Variants in CADPS2 observed in about 807,000 individuals in gnomAD.
The protein encoded by CADPS2 is calcium-dependent secretion activator 2.
A neutral mutation model predicts 172.5 loss-of-function variants in CADPS2; 93 were observed. The ratio of observed to expected loss-of-function variants is 0.54; its 90% CI spans 0.46 to 0.64. The LOEUF (loss-of-function observed/expected upper bound fraction) is 0.64. CADPS2 is among the 30% of genes least tolerant of loss of function. The probability of loss-of-function intolerance (pLI) is 0.00; values close to 1 mark genes in which losing one functional copy is unlikely to be tolerated. For missense variants in CADPS2, 1,420 were observed against 1,565.9 expected (o/e 0.91, Z 1.57); for synonymous variants, 546 against 555.2 (o/e 0.98, Z 0.23).
intron 1 of CADPS2, among the ~76,000 whole-genome samples, chr7:122,741,561 T>A (rs1352300781): frequency 6.6e-6 from 1 of 152,164 alleles, no homozygotes; most frequent in Non-Finnish European, 1.5e-5. Context: ...AAAACTTACC[T>A]TGACTCTGTG....
At chr7:122,880,285 T>C (rs961144384) in intron 1 of CADPS2, among the ~76,000 whole-genome samples, 7 of 152,198 alleles carry the variant, frequency 4.6e-5, no homozygotes, top group Admixed American at 1.3e-4. Flanking sequence ...TGGTGATTTA[T>C]CTACAGTTGT....
intron 2 of CADPS2, among the ~76,000 whole-genome samples, chr7:122,726,897 A>G (rs1010573227): frequency 6.6e-6 from 1 of 152,004 alleles, no homozygotes; most frequent in Non-Finnish European, 1.5e-5. Context: ...TAAAATGAAT[A>G]AAACTAAATA....
chr7:122,865,461 T>C (rs1216042156), intron 1 of CADPS2, among the ~76,000 whole-genome samples: 1 of 152,178 alleles, frequency 6.6e-6, no homozygotes. Context: ...TACTGACAGA[T>C]TTTTGAGGCA....
At chr7:122,373,328 T>C (rs2041987025) in intron 25 of CADPS2, among the ~76,000 whole-genome samples, 1 of 152,136 alleles carries the variant, frequency 6.6e-6, no homozygotes, top group Non-Finnish European at 1.5e-5. Flanking sequence ...CTTCCCCTCT[T>C]CCCAAACTTA....
chr7:122,623,682 G>A (rs1001295159), intron 4 of CADPS2, among the ~76,000 whole-genome samples: 4 of 152,064 alleles, frequency 2.6e-5, no homozygotes, highest in Non-Finnish European at 5.9e-5. Flanking sequence ...TTTCTCATAT[G>A]CTCTTTGGTC....
chr7:122,598,539 G>A (rs1252442512), intron 6 of CADPS2, among the ~76,000 whole-genome samples: 1 of 152,048 alleles, frequency 6.6e-6, no homozygotes, highest in African/African-American at 2.4e-5. Flanking sequence ...TTAGCAGATT[G>A]TATTTAATTA....
chr7:122,715,723 C>G (rs1398597862), intron 2 of CADPS2, among the ~76,000 whole-genome samples: 2 of 151,448 alleles, frequency 1.3e-5, no homozygotes, highest in South Asian at 2.1e-4. Flanking sequence ...AAAAAAAAAG[C>G]CAATTGTACA....
chr7:122,732,618 C>G (rs1238184864), intron 2 of CADPS2, among the ~76,000 whole-genome samples: 2 of 144,792 alleles, frequency 1.4e-5, no homozygotes, highest in Non-Finnish European at 3.0e-5. Flanking sequence ...TTTCTATGTG[C>G]TATTTTCTTG....
chr7:122,644,466 C>T (rs762321087), intron 3 of CADPS2, among the ~76,000 whole-genome samples: 1 of 152,128 alleles, frequency 6.6e-6, no homozygotes, highest in African/African-American at 2.4e-5. Flanking sequence ...TACTGTGCAA[C>T]TTTTCAGGTA....
At chr7:122,617,081 T>C (rs910894553) in intron 5 of CADPS2, among the ~76,000 whole-genome samples, 1 of 152,174 alleles carries the variant, frequency 6.6e-6, no homozygotes, top group East Asian at 1.9e-4. Context: ...TGTGTTTAAA[T>C]AACCCAAATG....
intron 1 of CADPS2, among the ~76,000 whole-genome samples, chr7:122,777,609 T>A (rs923380999): frequency 1.3e-5 from 2 of 152,110 alleles, no homozygotes; most frequent in Admixed American, 1.3e-4. Context: ...GGTAAGTGAA[T>A]CATGGAGGTG....
intron 22 of CADPS2, among the ~76,000 whole-genome samples, chr7:122,391,924 G>A (rs1372841045): frequency 6.6e-6 from 1 of 152,094 alleles, no homozygotes; most frequent in African/African-American, 2.4e-5. Context: ...TTTTGCCTCT[G>A]TCACTTATTT....
At chr7:122,675,610 C>T (rs1357067572) in intron 2 of CADPS2, among the ~76,000 whole-genome samples, 1 of 152,100 alleles carries the variant, frequency 6.6e-6, no homozygotes, top group Non-Finnish European at 1.5e-5. Flanking sequence ...AAATGTGGCA[C>T]ATATACACCA....
intron 6 of CADPS2, among the ~76,000 whole-genome samples, chr7:122,614,579 A>G (rs1414492525): frequency 2.6e-5 from 4 of 152,216 alleles, no homozygotes; most frequent in South Asian, 4.1e-4. Flanking sequence ...TGTTTCTACT[A>G]GAGACCATGA....
intron 3 of CADPS2, among the ~76,000 whole-genome samples, chr7:122,654,107 C>T (rs1166399314): frequency 6.6e-6 from 1 of 152,086 alleles, no homozygotes. Context: ...AAATTGAAGG[C>T]TATGAGAAAG....
At chr7:122,413,495 C>G (rs545473007) in intron 19 of CADPS2, among the ~76,000 whole-genome samples, 4 of 152,186 alleles carry the variant, frequency 2.6e-5, no homozygotes, top group South Asian at 2.1e-4. Context: ...ACCTCTTAGC[C>G]CTGTAAAGTA....
At chr7:122,357,132 A>G (rs117710969) in intron 27 of CADPS2, among the ~76,000 whole-genome samples, 10 of 152,150 alleles carry the variant, frequency 6.6e-5, no homozygotes, top group Non-Finnish European at 1.3e-4. Context: ...GATATTTCCA[A>G]CTCTAATCCA....
At chr7:122,878,147 C>A (rs1821743937) in intron 1 of CADPS2, among the ~76,000 whole-genome samples, 1 of 150,956 alleles carries the variant, frequency 6.6e-6, no homozygotes, top group South Asian at 2.1e-4. Context: ...TCCCAGCTAG[C>A]TACTCGGGGG....
At chr7:122,759,984 T>TTA (rs374466187) in intron 1 of CADPS2, among the ~76,000 whole-genome samples, 18,153 of 148,324 alleles carry the variant, frequency 0.12, 1,119 homozygotes, top group African/African-American at 0.14. Flanking sequence ...TAGGTGTATT[T>TTA]TATATATATA....
Sources: gnomAD v4.1 joint callset for allele counts (sites outside exome capture counted in the v4.1 genomes callset) on GRCh38, gnomAD v4.1.1 for gene constraint, MANE v1.5 for transcripts, NCBI Gene and HGNC (gene_info 2026-07-23, HGNC 2026-07-21) for gene names.